Variants in RSU1 observed in about 807,000 individuals in gnomAD.
RSU1 encodes the protein Ras suppressor protein 1, also known as rsu-1.
RSU1 carries 26 observed loss-of-function variants against 31.1 expected under a neutral mutation model. The observed-to-expected ratio is 0.84, with a 90% CI of 0.61 to 1.16. RSU1 has a LOEUF of 1.16. Ranked by LOEUF, RSU1 falls within the 50% of genes most tolerant of loss-of-function variation. RSU1 has a pLI of 0.00. For missense variants in RSU1, 320 were observed against 339.1 expected (o/e 0.94, Z 0.44); for synonymous variants, 164 against 136.3 (o/e 1.20, Z -1.41).
At chr10:16,801,382 A>G (rs1049559760) in intron 2 of RSU1, among the ~76,000 whole-genome samples, 4 of 152,304 alleles carry the variant, frequency 2.6e-5, no homozygotes, top group South Asian at 2.1e-4. Context: ...CAGCGTCAAA[A>G]TATGTTAGAC....
chr10:16,793,793 A>C (rs1299104210), intron 2 of RSU1, among the ~76,000 whole-genome samples: 1 of 151,670 alleles, frequency 6.6e-6, no homozygotes, highest in East Asian at 1.9e-4. Flanking sequence ...ATGAAATAAA[A>C]CACTAGGATA....
intron 8 of RSU1, among the ~76,000 whole-genome samples, chr10:16,663,440 T>A (rs897876502): frequency 3.3e-5 from 5 of 152,176 alleles, no homozygotes; most frequent in Non-Finnish European, 7.4e-5. Context: ...AAGAGCTGTA[T>A]CAAGCAAGAC....
At chr10:16,622,619 A>G (rs75347229) in intron 8 of RSU1, among the ~76,000 whole-genome samples, 2 of 152,230 alleles carry the variant, frequency 1.3e-5, no homozygotes, top group Admixed American at 6.5e-5. Flanking sequence ...GGGAAAAAAA[A>G]TGTTGAATGG....
chr10:16,603,769 G>T (rs1006445322), intron 8 of RSU1, among the ~76,000 whole-genome samples: 11 of 152,136 alleles, frequency 7.2e-5, no homozygotes, highest in Admixed American at 6.5e-4. Flanking sequence ...TTTATGAAAA[G>T]AAAGAATCAT....
intron 2 of RSU1, among the ~76,000 whole-genome samples, chr10:16,788,795 C>G (rs1167298619): frequency 1.3e-5 from 2 of 152,312 alleles, no homozygotes; most frequent in Non-Finnish European, 2.9e-5. Flanking sequence ...TTTCCACTTA[C>G]AAGCAATTAA....
intron 2 of RSU1, among the ~76,000 whole-genome samples, chr10:16,783,014 G>A (rs1417726811): frequency 6.6e-6 from 1 of 151,570 alleles, no homozygotes; most frequent in Non-Finnish European, 1.5e-5. Flanking sequence ...AGGTTCAAAT[G>A]ATTCTCCTGC....
At chr10:16,804,142 T>C (rs1838217414) in intron 2 of RSU1, among the ~76,000 whole-genome samples, 1 of 151,930 alleles carries the variant, frequency 6.6e-6, no homozygotes, top group African/African-American at 2.4e-5. Context: ...CCAACCCAAT[T>C]AAAAAGTACG....
chr10:16,733,382 C>T (rs922252924), intron 7 of RSU1, among the ~76,000 whole-genome samples: 1 of 150,282 alleles, frequency 6.7e-6, no homozygotes, highest in Non-Finnish European at 1.5e-5. Context: ...GTGGCAGGTG[C>T]CTGTAATCCC....
intron 4 of RSU1, among the ~76,000 whole-genome samples, chr10:16,763,597 G>A (rs558545057): frequency 6.6e-6 from 1 of 152,252 alleles, no homozygotes; most frequent in East Asian, 1.9e-4. Flanking sequence ...TTCCACATGA[G>A]ATTTGCTGGG....
intron 8 of RSU1, among the ~76,000 whole-genome samples, chr10:16,605,435 G>C (rs1444696948): frequency 1.6e-4 from 25 of 152,162 alleles, no homozygotes; most frequent in Admixed American, 1.6e-3. Context: ...GTGTATAGCT[G>C]TACTTACTAG....
At chr10:16,605,799 T>G (rs1028387682) in intron 8 of RSU1, among the ~76,000 whole-genome samples, 1 of 152,142 alleles carries the variant, frequency 6.6e-6, no homozygotes, top group African/African-American at 2.4e-5. Flanking sequence ...GGCTGCAGGG[T>G]TTCATTTTTC....
rs530274535 is a variant in RSU1 at position 16,721,999 on chromosome 10, A to G, written c.599-26844T>C. 2.6e-5 allele frequency among the ~76,000 whole-genome samples: 4 copies of G among 152,308 alleles called. No homozygotes were observed. The East Asian group carries it at 7.7e-4, about 29-fold the overall frequency. ...CTATTGCTACTGCCACTGTACTATCATAGTAGTTCTCTCTTATCCGTGGTT... is the reference window on the plus strand; with the variant it reads ...CTATTGCTACTGCCACTGTACTATCGTAGTAGTTCTCTCTTATCCGTGGTT... On this transcript the variant is annotated intron_variant, in intron 7 of 8. Coordinates refer to ENST00000345264, the MANE Select transcript of RSU1 (RefSeq NM_012425.4).
chr10:16,749,980 C>A (rs1836941566), intron 7 of RSU1, among the ~76,000 whole-genome samples: 1 of 152,180 alleles, frequency 6.6e-6, no homozygotes, highest in South Asian at 2.1e-4. Flanking sequence ...TCTCACCTGA[C>A]TCACTAGCTG....
chr10:16,808,906 A>T (rs1336649365), intron 2 of RSU1, among the ~76,000 whole-genome samples: 1 of 152,148 alleles, frequency 6.6e-6, no homozygotes, highest in Non-Finnish European at 1.5e-5. Context: ...ATGCAGAGGG[A>T]AGATCATGTG....
chr10:16,607,068 G>T (rs757094421), intron 8 of RSU1, among the ~76,000 whole-genome samples: 2 of 152,176 alleles, frequency 1.3e-5, no homozygotes, highest in South Asian at 4.1e-4. Flanking sequence ...CATGGGGGCG[G>T]TTTCTCATGA....
At chr10:16,757,574 A>C (rs1489375679) in intron 4 of RSU1, among the ~76,000 whole-genome samples, 3 of 152,222 alleles carry the variant, frequency 2.0e-5, no homozygotes, top group South Asian at 2.1e-4. Flanking sequence ...TTGTTCACTA[A>C]AACTACCTTG....
chr10:16,614,421 T>A (rs1282698025), intron 8 of RSU1, among the ~76,000 whole-genome samples: 3 of 150,422 alleles, frequency 2.0e-5, no homozygotes, highest in East Asian at 2.0e-4. Flanking sequence ...AAAAAAAAAA[T>A]AGAATGAACA....
At chr10:16,774,311 C>A (rs1334616544) in intron 3 of RSU1, among the ~76,000 whole-genome samples, 1 of 152,144 alleles carries the variant, frequency 6.6e-6, no homozygotes, top group Non-Finnish European at 1.5e-5. Context: ...CAAGGAGCAT[C>A]TCCTTTAAGA....
chr10:16,648,502 AGAG>A (rs1390957411), intron 8 of RSU1, among the ~76,000 whole-genome samples: 17 of 152,140 alleles, frequency 1.1e-4, no homozygotes. Context: ...CATTTGAGAG[AGAG>A]GAGGAGAAGC....
Sources: gnomAD v4.1 joint callset for allele counts (sites outside exome capture counted in the v4.1 genomes callset) on GRCh38, gnomAD v4.1.1 for gene constraint, MANE v1.5 for transcripts, NCBI Gene and HGNC (gene_info 2026-07-23, HGNC 2026-07-21) for gene names.